The following CPNE8 variants were observed in gnomAD, a reference collection of about 807,000 sequenced individuals.
The protein encoded by CPNE8 is copine 8, also known as copine-8.
In CPNE8, 45 loss-of-function variants were observed where a neutral mutation model predicts 81.5. The observed-to-expected ratio is 0.55, with a 90% CI of 0.44 to 0.71. The LOEUF (loss-of-function observed/expected upper bound fraction) is 0.71. Among genes scored for constraint, CPNE8 ranks in the 30% least tolerant of loss-of-function variants. The pLI is 0.00. For synonymous variants in CPNE8, 252 were observed against 226.3 expected (o/e 1.11, Z -1.02); for missense variants, 594 against 672.1 (o/e 0.88, Z 1.28).
intron 15 of CPNE8, among the ~76,000 whole-genome samples, chr12:38,688,907 AG>A (rs1413191980): frequency 6.6e-6 from 1 of 152,158 alleles, no homozygotes; most frequent in Non-Finnish European, 1.5e-5. Flanking sequence ...TCACCACTAA[AG>A]AACTTATCCA....
chr12:38,857,967 T>C (rs1943771086), intron 3 of CPNE8, among the ~76,000 whole-genome samples: 2 of 152,366 alleles, frequency 1.3e-5, no homozygotes, highest in South Asian at 4.1e-4. Context: ...CCTCCTTTTA[T>C]TCAGAGCATT....
intron 1 of CPNE8, among the ~76,000 whole-genome samples, chr12:38,898,011 G>A (rs1592163335): frequency 6.6e-6 from 1 of 152,262 alleles, no homozygotes; most frequent in South Asian, 2.1e-4. Flanking sequence ...AAGCAAAACT[G>A]GCTCTCAAAC....
intron 3 of CPNE8, among the ~76,000 whole-genome samples, chr12:38,865,931 T>C (rs1399915988): frequency 2.0e-5 from 3 of 152,214 alleles, no homozygotes; most frequent in Non-Finnish European, 4.4e-5. Context: ...AGGTAACTTA[T>C]ATTAACCCAC....
intron 15 of CPNE8, among the ~76,000 whole-genome samples, chr12:38,685,895 A>G (rs1218498645): frequency 6.6e-6 from 1 of 152,150 alleles, no homozygotes; most frequent in African/African-American, 2.4e-5. Flanking sequence ...AAGAAGTTGA[A>G]CACCACAACA....
chr12:38,737,414 A>G (rs755056064), intron 10 of CPNE8, among the ~76,000 whole-genome samples: 4 of 152,140 alleles, frequency 2.6e-5, no homozygotes, highest in Non-Finnish European at 5.9e-5. Flanking sequence ...GCAGTTCAAA[A>G]AATTTTACTT....
At chr12:38,790,452 A>C (rs1942295174) in intron 6 of CPNE8, among the ~76,000 whole-genome samples, 1 of 151,714 alleles carries the variant, frequency 6.6e-6, no homozygotes, top group Admixed American at 6.6e-5. Flanking sequence ...TGAGAAGGGT[A>C]GTAGGTGCTT....
intron 6 of CPNE8, among the ~76,000 whole-genome samples, chr12:38,784,738 A>AG (rs1452769903): frequency 6.6e-6 from 1 of 152,178 alleles, no homozygotes; most frequent in Non-Finnish European, 1.5e-5. Context: ...AAAATGCTGA[A>AG]GGAAAAAAAA....
intron 6 of CPNE8, among the ~76,000 whole-genome samples, chr12:38,808,218 A>G (rs1942859427): frequency 6.6e-6 from 1 of 152,172 alleles, no homozygotes; most frequent in Non-Finnish European, 1.5e-5. Context: ...ATCTAGAACT[A>G]GAAATATCAT....
At chr12:38,692,442 G>C (rs1043750355) in intron 15 of CPNE8, among the ~76,000 whole-genome samples, 6 of 152,120 alleles carry the variant, frequency 3.9e-5, no homozygotes, top group African/African-American at 1.4e-4. Flanking sequence ...ATAATTACCA[G>C]TTGAGCCTCT....
At chr12:38,720,111 C>G (rs1940520643) in intron 13 of CPNE8, among the ~76,000 whole-genome samples, 1 of 152,102 alleles carries the variant, frequency 6.6e-6, no homozygotes, top group African/African-American at 2.4e-5. Context: ...CCTCAAGAAG[C>G]CAGGATTGGG....
In CPNE8 at chr12:38,762,102, T is replaced by A; in HGVS notation, c.680+10A>T. On this transcript the variant is annotated intron_variant, in intron 9 of 19. Coordinates refer to ENST00000331366, the MANE Select transcript of CPNE8 (RefSeq NM_153634.3). ...TATTTGAAGATTTTTGAATAAACTA[T>A]CCTTCTTACCTGTCATAGTCTCCAT... 7.6e-7 allele frequency: 1 copy of A among 1,312,724 alleles called. No homozygotes were observed. Among genetic ancestry groups the A allele is most frequent in the Non-Finnish European group, 1.0e-6 (1 of 972,030 alleles). 81.3% of individuals were successfully genotyped at this position (1,312,724 alleles called of 1,614,324 possible).
chr12:38,833,434 G>A (rs1481449520), intron 5 of CPNE8, among the ~76,000 whole-genome samples: 2 of 147,180 alleles, frequency 1.4e-5, no homozygotes, highest in Admixed American at 6.8e-5. Context: ...ATAAGACACT[G>A]AAAGAAAATT....
chr12:38,718,551 C>G (rs1403607383), intron 13 of CPNE8, among the ~76,000 whole-genome samples: 1 of 152,096 alleles, frequency 6.6e-6, no homozygotes, highest in East Asian at 1.9e-4. Context: ...GGGCACTATT[C>G]AGAAAGGGTA....
intron 5 of CPNE8, among the ~76,000 whole-genome samples, chr12:38,834,728 G>GA (rs1943353263): frequency 6.6e-6 from 1 of 152,004 alleles, no homozygotes. Context: ...TCCAAAAAAA[G>GA]AAAAATCCAA....
Position 38,829,474 on chromosome 12 carries a change from T to A in CPNE8, c.331-19A>T, listed in dbSNP as rs1280696152. ...GAAAGTCCTGAAATAGATAAAAAGA[T>A]TAAAGCTCATAAGTTTCCAAACTAT... is the stretch of plus-strand genomic sequence containing the variant. On this transcript the variant is annotated intron_variant, in intron 5 of 19. Transcript: ENST00000331366. The A allele has an allele frequency of 9.6e-6, 15 of 1,557,996 alleles. No homozygotes were observed. Among genetic ancestry groups the A allele is most frequent in the Non-Finnish European group, 1.3e-5 (15 of 1,129,308 alleles).
intron 6 of CPNE8, among the ~76,000 whole-genome samples, chr12:38,828,863 A>C (rs115929599): frequency 0.013 from 1,936 of 152,274 alleles, 46 homozygotes; most frequent in African/African-American, 0.043. Context: ...TGCAATTGAC[A>C]TGAAAACTAA....
rs151222337 is a variant in CPNE8 at position 38,758,667 on chromosome 12, T to C, written c.722+2180A>G. 4.7e-3 allele frequency among the ~76,000 whole-genome samples: 710 copies of C among 152,302 alleles called. 4 individuals are homozygous for C. Among genetic ancestry groups the C allele is most frequent in the African/African-American group, 0.016 (660 of 41,574 alleles). On this transcript the variant is annotated intron_variant, in intron 10 of 19. Transcript: ENST00000331366. ...AACTAATGTAGTACCTATCATTTAT[T>C]GTGAAAATTAAATAAGGAATAACAT...
intron 4 of CPNE8, among the ~76,000 whole-genome samples, chr12:38,847,600 A>C (rs1344923493): frequency 6.6e-6 from 1 of 152,198 alleles, no homozygotes; most frequent in African/African-American, 2.4e-5. Context: ...TATGACGAAT[A>C]CTCAACATTC....
chr12:38,716,051 A>C (rs527550896), intron 13 of CPNE8, among the ~76,000 whole-genome samples: 1 of 152,146 alleles, frequency 6.6e-6, no homozygotes, highest in East Asian at 1.9e-4. Context: ...AACAGCTGCA[A>C]AAAAGAAAGA....
Sources: gnomAD v4.1 joint callset for allele counts (sites outside exome capture counted in the v4.1 genomes callset) on GRCh38, gnomAD v4.1.1 for gene constraint, MANE v1.5 for transcripts, NCBI Gene and HGNC (gene_info 2026-07-23, HGNC 2026-07-21) for gene names.